Variants in CSMD1 observed in about 807,000 individuals in gnomAD.
CSMD1 encodes CUB and sushi domain-containing protein 1.
CSMD1 carries 213 observed loss-of-function variants against 417.5 expected under a neutral mutation model. The ratio of observed to expected loss-of-function variants is 0.51; its 90% CI spans 0.46 to 0.57. The LOEUF is 0.57. Ranked by LOEUF, CSMD1 falls within the 20% of genes least tolerant of loss-of-function variation. The probability of loss-of-function intolerance (pLI) is 0.00; values close to 1 mark genes in which losing one functional copy is unlikely to be tolerated. For missense variants in CSMD1, 6,923 were observed against 4,529.7 expected, an observed-to-expected ratio of 1.53 and a Z score of -15.17; for synonymous variants, 2,862 against 1,736.8, an observed-to-expected ratio of 1.65 and a Z score of -16.11.
At chr8:3,312,711 G>C (rs1359615392) in intron 23 of CSMD1, among the ~76,000 whole-genome samples, 1 of 152,130 alleles carries the variant, frequency 6.6e-6, no homozygotes, top group Non-Finnish European at 1.5e-5. Flanking sequence ...CCGTGAACCA[G>C]CTTAGTCGCC....
At chr8:3,210,646 C>T (rs905588149) in intron 30 of CSMD1, among the ~76,000 whole-genome samples, 12 of 147,316 alleles carry the variant, frequency 8.1e-5, no homozygotes, top group East Asian at 5.9e-4. Context: ...AGTGTATATA[C>T]ACTTTATATA....
intron 2 of CSMD1, among the ~76,000 whole-genome samples, chr8:4,432,630 A>G (rs1286594210): frequency 1.3e-5 from 2 of 152,136 alleles, no homozygotes; most frequent in African/African-American, 4.8e-5. Context: ...AGAGATCCTT[A>G]ATAACTGACT....
At chr8:3,315,096 T>G (rs995213705) in intron 23 of CSMD1, among the ~76,000 whole-genome samples, 1 of 152,352 alleles carries the variant, frequency 6.6e-6, no homozygotes, top group South Asian at 2.1e-4. Flanking sequence ...TAATTTTACC[T>G]AAGACATTTC....
At chr8:3,771,306 C>A (rs1584972028) in intron 5 of CSMD1, among the ~76,000 whole-genome samples, 1 of 152,052 alleles carries the variant, frequency 6.6e-6, no homozygotes, top group Non-Finnish European at 1.5e-5. Context: ...CTTCTGGAAG[C>A]CTTGCTTACT....
intron 26 of CSMD1, among the ~76,000 whole-genome samples, chr8:3,260,251 G>A (rs73187504): frequency 6.6e-6 from 1 of 151,940 alleles, no homozygotes; most frequent in Non-Finnish European, 1.5e-5. Flanking sequence ...TTTTCTCAAA[G>A]TTGCTCTTCA....
At chr8:3,974,954 C>T (rs114931678) in intron 5 of CSMD1, among the ~76,000 whole-genome samples, 2,215 of 152,170 alleles carry the variant, frequency 0.015, 47 homozygotes, top group African/African-American at 0.048. Flanking sequence ...AAAACTAACA[C>T]CTGTTAAGAA....
intron 3 of CSMD1, among the ~76,000 whole-genome samples, chr8:4,066,233 T>C (rs1055320259): frequency 6.6e-6 from 1 of 152,234 alleles, no homozygotes. Context: ...GCCTCCTTCC[T>C]TCTTTGTCTC....
chr8:3,042,493 G>C (rs1811167475), intron 50 of CSMD1, among the ~76,000 whole-genome samples: 1 of 151,916 alleles, frequency 6.6e-6, no homozygotes, highest in Admixed American at 6.6e-5. Context: ...TGGGACCTTT[G>C]TTTGACTTTG....
intron 1 of CSMD1, among the ~76,000 whole-genome samples, chr8:4,964,911 T>G (rs1464543239): frequency 6.6e-6 from 1 of 152,176 alleles, no homozygotes; most frequent in Non-Finnish European, 1.5e-5. Flanking sequence ...AGCAGGATTT[T>G]CAGCACATCA....
At chr8:4,324,451 C>G (rs1266312502) in intron 3 of CSMD1, among the ~76,000 whole-genome samples, 2 of 152,208 alleles carry the variant, frequency 1.3e-5, no homozygotes, top group Non-Finnish European at 2.9e-5. Flanking sequence ...TCAGTGAACA[C>G]AGCAAACCAA....
chr8:3,581,096 G>T (rs777420730), intron 9 of CSMD1, among the ~76,000 whole-genome samples: 2 of 152,062 alleles, frequency 1.3e-5, no homozygotes, highest in African/African-American at 4.8e-5. Context: ...TAACTCTACA[G>T]ATCAAAGTGC....
chr8:3,384,929 T>C (rs1810895872), intron 18 of CSMD1, among the ~76,000 whole-genome samples: 1 of 110,188 alleles, frequency 9.1e-6, no homozygotes, highest in Non-Finnish European at 1.7e-5. Context: ...CATATGCTAA[T>C]ATAATATATA....
intron 5 of CSMD1, among the ~76,000 whole-genome samples, chr8:3,877,278 C>G (rs1048011113): frequency 6.6e-6 from 1 of 152,068 alleles, no homozygotes; most frequent in Admixed American, 6.5e-5. Flanking sequence ...GCCCTTGATG[C>G]GTGGTGAAAG....
intron 6 of CSMD1, among the ~76,000 whole-genome samples, chr8:3,717,928 A>T (rs1801935383): frequency 6.6e-6 from 1 of 152,180 alleles, no homozygotes; most frequent in South Asian, 2.1e-4. Context: ...TTCTTTAGTC[A>T]AGGCTGTTAA....
chr8:4,116,283 C>T (rs909636444), intron 3 of CSMD1, among the ~76,000 whole-genome samples: 15 of 152,024 alleles, frequency 9.9e-5, no homozygotes, highest in Admixed American at 4.6e-4. Context: ...TGTGAGCCAC[C>T]GCACCCAACA....
intron 10 of CSMD1, among the ~76,000 whole-genome samples, chr8:3,504,240 C>G (rs181128427): frequency 8.7e-6 from 1 of 115,128 alleles, no homozygotes; most frequent in East Asian, 2.7e-4. Flanking sequence ...TATTAATTAA[C>G]AATTTCTTTA....
At chr8:4,033,355 T>C (rs561312782) in intron 3 of CSMD1, among the ~76,000 whole-genome samples, 89 of 152,160 alleles carry the variant, frequency 5.8e-4, no homozygotes, top group African/African-American at 2.1e-3. Context: ...GGCAGGAGAA[T>C]GGCGTGAACC....
chr8:4,292,479 G>C (rs769587934), intron 3 of CSMD1, among the ~76,000 whole-genome samples: 2 of 152,026 alleles, frequency 1.3e-5, no homozygotes, highest in Admixed American at 1.3e-4. Flanking sequence ...GTCTCGATCT[G>C]CTGACCTCGT....
At chr8:3,193,619 A>G (rs1229631679) in intron 33 of CSMD1, among the ~76,000 whole-genome samples, 1 of 152,072 alleles carries the variant, frequency 6.6e-6, no homozygotes, top group Non-Finnish European at 1.5e-5. Context: ...AATATTTCAC[A>G]CTGCTGTGAA....
Sources: allele counts gnomAD v4.1 joint callset (sites outside exome capture counted in the v4.1 genomes callset), GRCh38; gene constraint gnomAD v4.1.1; transcripts MANE v1.5; gene names NCBI Gene and HGNC (gene_info 2026-07-23, HGNC 2026-07-21).